The following RCOR1 variants were observed in gnomAD, a reference collection of about 807,000 sequenced individuals.
The protein encoded by RCOR1 is REST corepressor.
Under a neutral mutation model 64.0 loss-of-function variants are expected in RCOR1, and 12 were observed. The observed-to-expected ratio is 0.19, with a 90% CI of 0.12 to 0.30. The LOEUF is 0.30. RCOR1 is among the 10% of genes least tolerant of loss of function. The pLI is 1.00. For synonymous variants in RCOR1, 279 were observed against 227.2 expected, an observed-to-expected ratio of 1.23 and a Z score of -2.05; for missense variants, 502 against 621.2, an observed-to-expected ratio of 0.81 and a Z score of 2.04.
rs756140246 is a variant in RCOR1 at position 102,707,407 on chromosome 14, G to A, written c.555G>A (p.Leu185=). 3.1e-6 allele frequency: 5 copies of A among 1,613,068 alleles called. No individual in the cohort carries two copies. In the African/African-American group the frequency reaches 6.7e-5, roughly 22 times the overall value. ...ATATCGAAAAGTCATTGGCTGATTT[G>A]CCCAACTTTACCCCTTTCCCAGATG... ...KHNIEKSLAD[L]PNFTPFPDEW... is the part of the protein sequence containing the mutation. Residue 185 remains leucine, a synonymous_variant, in exon 5 of 12, where the codon TTG becomes TTA. Coordinates refer to ENST00000262241, the MANE Select transcript of RCOR1 (RefSeq NM_015156.4).
chr14:102,629,672 A>G (rs562789009), intron 2 of RCOR1, among the ~76,000 whole-genome samples: 37 of 152,178 alleles, frequency 2.4e-4, no homozygotes, highest in Non-Finnish European at 5.0e-4. Context: ...TAGTCTAAAC[A>G]TGGATGAGCT....
chr14:102,612,800 G>A (rs778273676), intron 2 of RCOR1, among the ~76,000 whole-genome samples: 9 of 151,590 alleles, frequency 5.9e-5, no homozygotes, highest in Admixed American at 4.6e-4. Flanking sequence ...ATCAGCTTGG[G>A]CAACATAGCA....
chr14:102,715,445 G>A (rs1364104342), intron 8 of RCOR1, among the ~76,000 whole-genome samples: 5 of 146,252 alleles, frequency 3.4e-5, no homozygotes, highest in East Asian at 2.0e-4. Context: ...GCAGCGGTGC[G>A]ATCTTGGCTC....
At chr14:102,652,267 C>T (rs764146302) in intron 2 of RCOR1, among the ~76,000 whole-genome samples, 2 of 152,214 alleles carry the variant, frequency 1.3e-5, no homozygotes, top group Non-Finnish European at 2.9e-5. Context: ...TTAGAGAACT[C>T]TCCTTCAGTC....
At chr14:102,713,038 T>G (rs922123099) in intron 7 of RCOR1, among the ~76,000 whole-genome samples, 17 of 138,446 alleles carry the variant, frequency 1.2e-4, no homozygotes, top group African/African-American at 4.6e-4. Context: ...CACTGCAGCC[T>G]CTGCCTCCCA....
At chr14:102,653,969 TTCTTTC>T (rs1894658319) in intron 2 of RCOR1, among the ~76,000 whole-genome samples, 2 of 52,894 alleles carry the variant, frequency 3.8e-5, no homozygotes, top group African/African-American at 1.4e-4. Flanking sequence ...CTTTCTTTCT[TTCTTTC>T]TTTCTTTCTT....
chr14:102,607,383 G>T (rs1362804451), intron 2 of RCOR1, among the ~76,000 whole-genome samples: 1 of 152,122 alleles, frequency 6.6e-6, no homozygotes, highest in African/African-American at 2.4e-5. Flanking sequence ...TGTATAAATT[G>T]GAGATGCACA....
chr14:102,641,253 T>TA (rs769732581), intron 2 of RCOR1, among the ~76,000 whole-genome samples: 122 of 149,222 alleles, frequency 8.2e-4, no homozygotes, highest in African/African-American at 2.5e-3. Flanking sequence ...GACTCGGCCT[T>TA]AAAAAAAAAG....
At chr14:102,724,806 C>T (rs1336370905) in intron 11 of RCOR1, among the ~76,000 whole-genome samples, 1 of 152,170 alleles carries the variant, frequency 6.6e-6, no homozygotes, top group Admixed American at 6.5e-5. Flanking sequence ...ACTTGTCTGT[C>T]TGGTGAGTCC....
At chr14:102,606,934 G>GT (rs11464849) in intron 2 of RCOR1, among the ~76,000 whole-genome samples, 8,437 of 111,998 alleles carry the variant, frequency 0.075, 511 homozygotes, top group Admixed American at 0.13. Flanking sequence ...TTTTGTGTTA[G>GT]TTTTTTTTTT....
intron 7 of RCOR1, among the ~76,000 whole-genome samples, chr14:102,712,101 T>C (rs575005211): frequency 1.3e-5 from 2 of 152,282 alleles, no homozygotes; most frequent in Admixed American, 1.3e-4. Flanking sequence ...CGCCAACTCC[T>C]GGGCTCAAGC....
chr14:102,637,918 AC>A (rs1894279895), intron 2 of RCOR1, among the ~76,000 whole-genome samples: 1 of 152,188 alleles, frequency 6.6e-6, no homozygotes, highest in African/African-American at 2.4e-5. Context: ...CAAACACTGT[AC>A]TGGAAGTAAA....
chr14:102,675,340 T>A (rs1329312952), intron 2 of RCOR1, among the ~76,000 whole-genome samples: 1 of 152,160 alleles, frequency 6.6e-6, no homozygotes, highest in Non-Finnish European at 1.5e-5. Flanking sequence ...ATACTATGGT[T>A]CTTCCTATGC....
intron 3 of RCOR1, 56 bp from the exon 4 acceptor site, chr14:102,701,222 C>CAT: frequency 7.3e-7 from 1 of 1,377,614 alleles, no homozygotes; most frequent in East Asian, 2.3e-5. Context: ...TCTAGCAGAC[C>CAT]ATAGGGTGTA....
intron 3 of RCOR1, among the ~76,000 whole-genome samples, chr14:102,698,397 T>C (rs1204663267): frequency 6.6e-6 from 1 of 152,198 alleles, no homozygotes; most frequent in Non-Finnish European, 1.5e-5. Flanking sequence ...TGCATCACTT[T>C]TTCAGCCTGT....
Position 102,592,829 on chromosome 14 carries a change from G to A in RCOR1, c.-58G>A. 8.5e-7 allele frequency: 1 copy of A among 1,170,686 alleles called. No homozygotes were observed. The highest frequency in any genetic ancestry group is 4.2e-5 in the South Asian group (1 of 23,916). The allele number at this position is 1,170,686 out of a possible 1,614,324, so 72.5% of individuals were successfully genotyped here. On this transcript the variant is annotated 5_prime_UTR_variant, in exon 1 of 12. Coordinates refer to ENST00000262241, the MANE Select transcript of RCOR1 (RefSeq NM_015156.4). ...CCCGCGCCCCCTCCCCCGTCTCGGC[G>A]CCCCCTCCTCAGGAGCCGCGGGTCC...
intron 2 of RCOR1, among the ~76,000 whole-genome samples, chr14:102,663,854 C>T (rs1377331751): frequency 1.3e-5 from 2 of 152,148 alleles, no homozygotes; most frequent in African/African-American, 4.8e-5. Context: ...ATATTGATAA[C>T]ATGGAAGAAA....
chr14:102,629,443 C>T (rs1595201960), intron 2 of RCOR1, among the ~76,000 whole-genome samples: 1 of 15,704 alleles, frequency 6.4e-5, no homozygotes, highest in African/African-American at 1.4e-4. Flanking sequence ...TTAACAGCCT[C>T]CCCCCCCCCC....
At chr14:102,665,796 C>CT (rs1894906994) in intron 2 of RCOR1, among the ~76,000 whole-genome samples, 1 of 152,080 alleles carries the variant, frequency 6.6e-6, no homozygotes, top group Non-Finnish European at 1.5e-5. Context: ...TCTCATAGGG[C>CT]TTTTTTGGTG....
Sources: allele counts gnomAD v4.1 joint callset (sites outside exome capture counted in the v4.1 genomes callset), GRCh38; gene constraint gnomAD v4.1.1; transcripts MANE v1.5; gene names NCBI Gene and HGNC (gene_info 2026-07-23, HGNC 2026-07-21).